Variants in PARD3B observed in about 807,000 individuals in gnomAD.
PARD3B encodes partitioning defective 3 homolog B.
In PARD3B, 103 loss-of-function variants were observed where a neutral mutation model predicts 130.2. That is an observed-to-expected ratio of 0.79 (90% CI 0.67 to 0.93). The LOEUF is 0.93. Among genes scored for constraint, PARD3B ranks in the 40% least tolerant of loss-of-function variants. The pLI, the probability that PARD3B is intolerant of heterozygous loss-of-function variation, is 0.00. For missense variants in PARD3B, 1,609 were observed against 1,499.2 expected, an observed-to-expected ratio of 1.07 and a Z score of -1.21; for synonymous variants, 583 against 553.2, an observed-to-expected ratio of 1.05 and a Z score of -0.76.
At chr2:205,520,772 T>G (rs1335974297) in intron 21 of PARD3B, among the ~76,000 whole-genome samples, 1 of 152,116 alleles carries the variant, frequency 6.6e-6, no homozygotes, top group Non-Finnish European at 1.5e-5. Flanking sequence ...TTTTTTACTT[T>G]GTTATATTTT....
At chr2:204,942,625 A>T (rs77295283) in intron 2 of PARD3B, among the ~76,000 whole-genome samples, 1 of 147,712 alleles carries the variant, frequency 6.8e-6, no homozygotes, top group African/African-American at 2.5e-5. Context: ...CAGGTATTTA[A>T]AAAAAAAAAA....
At chr2:205,311,123 C>T (rs571970443) in intron 18 of PARD3B, among the ~76,000 whole-genome samples, 3 of 152,272 alleles carry the variant, frequency 2.0e-5, no homozygotes, top group Non-Finnish European at 2.9e-5. Context: ...TTGTGAATAG[C>T]GCTGCAATTA....
chr2:204,553,691 TATATACAC>T lies in PARD3B; in HGVS notation c.120+7574_120+7581del, dbSNP rs1397917651. 6.6e-4 allele frequency among the ~76,000 whole-genome samples: 75 copies of T among 113,018 alleles called. 1 individual carries two copies. Among genetic ancestry groups the T allele is most frequent in the African/African-American group, 3.3e-3 (71 of 21,542 alleles). The allele number at this position is 113,018 out of a possible 152,430, so 74.1% of individuals were successfully genotyped here. ...ATATATATATATATATATATATATATATATACACACATATATATAAAGGAATACACCTC... is the reference window on the plus strand; with the variant it reads ...ATATATATATATATATATATATATATACATATATATAAAGGAATACACCTC... On this transcript the variant is annotated intron_variant, in intron 1 of 22. Coordinates refer to ENST00000406610, the MANE Select transcript of PARD3B (RefSeq NM_001302769.2).
chr2:204,561,968 G>A (rs1465671913), intron 1 of PARD3B, among the ~76,000 whole-genome samples: 1 of 152,144 alleles, frequency 6.6e-6, no homozygotes, highest in Non-Finnish European at 1.5e-5. Flanking sequence ...GATTGCCGCT[G>A]TTAGGACCAT....
intron 1 of PARD3B, among the ~76,000 whole-genome samples, chr2:204,587,030 G>A (rs931000457): frequency 6.6e-6 from 1 of 152,096 alleles, no homozygotes; most frequent in Non-Finnish European, 1.5e-5. Context: ...CCTTCAGACT[G>A]TATAAATGCA....
chr2:205,298,583 C>T (rs1363185228), intron 16 of PARD3B, among the ~76,000 whole-genome samples: 1 of 152,010 alleles, frequency 6.6e-6, no homozygotes, highest in Non-Finnish European at 1.5e-5. Flanking sequence ...ACTTACCCTA[C>T]ATTAATAGCC....
At chr2:205,040,222 A>G (rs929604613) in intron 3 of PARD3B, among the ~76,000 whole-genome samples, 1 of 152,138 alleles carries the variant, frequency 6.6e-6, no homozygotes, top group African/African-American at 2.4e-5. Flanking sequence ...TTGGCCTCCC[A>G]AAGTTCTGGG....
chr2:204,714,773 C>G (rs954327573), intron 2 of PARD3B, among the ~76,000 whole-genome samples: 1 of 152,064 alleles, frequency 6.6e-6, no homozygotes, highest in Non-Finnish European at 1.5e-5. Context: ...ACAAACACAC[C>G]CAGAATGAAC....
At chr2:205,166,117 T>C (rs2034800800) in intron 11 of PARD3B, among the ~76,000 whole-genome samples, 1 of 152,132 alleles carries the variant, frequency 6.6e-6, no homozygotes, top group African/African-American at 2.4e-5. Context: ...TAGACAACAG[T>C]GTATAGTGGA....
chr2:204,909,504 A>G lies in PARD3B; in HGVS notation c.223-55648A>G, dbSNP rs141734692. On this transcript the variant is annotated intron_variant, in intron 2 of 22. Coordinates refer to ENST00000406610, the MANE Select transcript of PARD3B (RefSeq NM_001302769.2). ...TAAATATAGATAAATATAAAGTTCAATGTTAATAAGTACAGATTCTGAAGC... is the reference window on the plus strand; with the variant it reads ...TAAATATAGATAAATATAAAGTTCAGTGTTAATAAGTACAGATTCTGAAGC... Among the ~76,000 whole-genome samples, 25 of 152,286 alleles carry G rather than the reference A, an allele frequency of 1.6e-4. 1 individual carries two copies. Among genetic ancestry groups the G allele is most frequent in the East Asian group, 1.5e-3 (8 of 5,188 alleles).
rs1371389480 is a variant in PARD3B at position 205,331,742 on chromosome 2, C to T, written c.2630+30041C>T. ...AGGTTGCGGTGAGCCAAGAATGAGC[C>T]ATTCCACTCCAGCCTGGGCGACAGA... On this transcript the variant is annotated intron_variant, in intron 18 of 22. Transcript: ENST00000406610. 2.2e-5 allele frequency among the ~76,000 whole-genome samples: 3 copies of T among 135,746 alleles called. No individual in the cohort carries two copies. The Admixed American group carries it at 2.3e-4, about 11-fold the overall frequency. 89.1% of individuals were successfully genotyped at this position (135,746 alleles called of 152,430 possible). A position where few individuals can be genotyped will look rare whatever the true frequency, so the allele number is the denominator to read the frequency against.
intron 18 of PARD3B, among the ~76,000 whole-genome samples, chr2:205,396,230 C>A (rs1199229772): frequency 6.6e-6 from 1 of 152,194 alleles, no homozygotes; most frequent in Admixed American, 6.5e-5. Context: ...ATTGTCTCTT[C>A]TAACATCCTT....
At chr2:205,442,545 C>A (rs1013621086) in intron 20 of PARD3B, among the ~76,000 whole-genome samples, 2 of 152,100 alleles carry the variant, frequency 1.3e-5, no homozygotes, top group African/African-American at 4.8e-5. Context: ...TCATGATCCA[C>A]CCACCTCGGC....
intron 20 of PARD3B, among the ~76,000 whole-genome samples, chr2:205,486,848 C>T (rs866876072): frequency 3.3e-5 from 5 of 152,174 alleles, no homozygotes; most frequent in South Asian, 2.1e-4. Flanking sequence ...AGAGACAAAC[C>T]GTACCACGAG....
intron 21 of PARD3B, among the ~76,000 whole-genome samples, chr2:205,503,753 A>G (rs369493017): frequency 6.6e-6 from 1 of 151,984 alleles, no homozygotes; most frequent in East Asian, 1.9e-4. Context: ...GAATCTATAA[A>G]TTACCTTGGG....
intron 2 of PARD3B, among the ~76,000 whole-genome samples, chr2:204,927,110 G>A (rs1403466637): frequency 6.6e-6 from 1 of 152,000 alleles, no homozygotes; most frequent in African/African-American, 2.4e-5. Context: ...GCCCTCTTTA[G>A]GACTAAAGAA....
At chr2:205,168,820 C>T (rs1194518316) in intron 11 of PARD3B, among the ~76,000 whole-genome samples, 1 of 151,578 alleles carries the variant, frequency 6.6e-6, no homozygotes, top group African/African-American at 2.4e-5. Context: ...TCTTTTTTTT[C>T]TTGAAGCATT....
chr2:204,961,951 C>T (rs1161901259), intron 2 of PARD3B, among the ~76,000 whole-genome samples: 2 of 152,016 alleles, frequency 1.3e-5, no homozygotes, highest in African/African-American at 2.4e-5. Flanking sequence ...GCTGTGTAGA[C>T]AGCACTTTCA....
At chr2:205,311,987 CATT>C (rs1375111576) in intron 18 of PARD3B, among the ~76,000 whole-genome samples, 3 of 152,174 alleles carry the variant, frequency 2.0e-5, no homozygotes, top group African/African-American at 7.2e-5. Context: ...TCCTGTAATA[CATT>C]ACCCATAAAG....
Sources: allele counts gnomAD v4.1 joint callset (sites outside exome capture counted in the v4.1 genomes callset), GRCh38; gene constraint gnomAD v4.1.1; transcripts MANE v1.5; gene names NCBI Gene and HGNC (gene_info 2026-07-23, HGNC 2026-07-21).